LTBP1: variants seen among roughly 807,000 people sequenced by gnomAD.
The protein encoded by LTBP1 is latent-transforming growth factor beta-binding protein 1.
In LTBP1, 129 loss-of-function variants were observed where a neutral mutation model predicts 207.6. That is an observed-to-expected ratio of 0.62 (90% CI 0.54 to 0.72). The LOEUF is 0.72. LTBP1 is among the 30% of genes least tolerant of loss of function. The pLI is 0.00. For missense variants in LTBP1, 2,281 were observed against 2,217.2 expected (o/e 1.03, Z -0.58); for synonymous variants, 963 against 833.7 (o/e 1.16, Z -2.67).
At chr2:33,101,169 TAAG>T (rs376086897) in intron 3 of LTBP1, among the ~76,000 whole-genome samples, 4 of 152,200 alleles carry the variant, frequency 2.6e-5, no homozygotes, top group African/African-American at 7.2e-5. Context: ...CATTAGGTAT[TAAG>T]GAGTGTGAAC....
intron 31 of LTBP1, among the ~76,000 whole-genome samples, chr2:33,380,548 G>T (rs916534363): frequency 1.3e-5 from 2 of 152,032 alleles, no homozygotes; most frequent in Non-Finnish European, 2.9e-5. Flanking sequence ...TAGCTTGGGG[G>T]ACAAGAGTGA....
At position 33,398,467 on chromosome 2, in the gene LTBP1, C is replaced by G. The variant is rs779004658; in HGVS notation, c.5088C>G (p.Tyr1696Ter). The change falls in exon 34 of 34, where the codon TAC becomes TAG. Residue 1696 changes from tyrosine (Y) to a stop codon, truncating the protein, a stop_gained. Transcript: ENST00000404816. LOFTEE classifies it high-confidence loss of function. ...GSYKCLCLPG[Y>*]VPSDKPNYCT... ...ACAAGTGTTTGTGTCTGCCAGGCTA[C>G]GTGCCTTCTGACAAGCCAAACTACT... is the stretch of plus-strand genomic sequence containing the variant. 1 of 1,614,188 alleles carries G rather than the reference C, an allele frequency of 6.2e-7. No individual in the cohort carries two copies.
At chr2:33,238,061 A>C (rs188683662) in intron 9 of LTBP1, among the ~76,000 whole-genome samples, 8 of 114,818 alleles carry the variant, frequency 7.0e-5, no homozygotes, top group Non-Finnish European at 1.4e-4. Context: ...TATATTGTCT[A>C]AGTGATCCTT....
At chr2:33,284,022 A>G (rs2093615915) in intron 19 of LTBP1, among the ~76,000 whole-genome samples, 2 of 152,182 alleles carry the variant, frequency 1.3e-5, no homozygotes, top group Non-Finnish European at 2.9e-5. Context: ...TTTCTATTGA[A>G]TGACTTCATT....
intron 2 of LTBP1, among the ~76,000 whole-genome samples, chr2:32,956,742 T>C (rs1406347998): frequency 6.6e-6 from 1 of 152,230 alleles, no homozygotes; most frequent in African/African-American, 2.4e-5. Flanking sequence ...CGATTTACTT[T>C]GCCCAAATCC....
intron 5 of LTBP1, among the ~76,000 whole-genome samples, chr2:33,184,016 T>C (rs2086927246): frequency 6.6e-6 from 1 of 152,138 alleles, no homozygotes; most frequent in Non-Finnish European, 1.5e-5. Flanking sequence ...CCTGCTCTTT[T>C]CCTCCTGTGT....
rs2077963253 is a variant in LTBP1 at position 33,074,356 on chromosome 2, T to C, written c.864-36226T>C. Among the ~76,000 whole-genome samples the C allele has an allele frequency of 3.9e-5, 6 of 152,296 alleles. No individual in the cohort carries two copies. In the South Asian group the frequency reaches 8.3e-4, roughly 21 times the overall value. On this transcript the variant is annotated intron_variant, in intron 3 of 33. Coordinates refer to ENST00000404816, the MANE Select transcript of LTBP1 (RefSeq NM_206943.4). ...TCATGGCCTTTTTCACTTCTTCCTC[T>C]AGCAGTTTCAACTGACTCAGTTACT...
intron 7 of LTBP1, among the ~76,000 whole-genome samples, chr2:33,189,639 G>A (rs62146704): frequency 0.56 from 84,915 of 152,116 alleles, 23,890 homozygotes; most frequent in Middle Eastern, 0.61. Context: ...GCCTTTTGCA[G>A]TAGTTTTGTT....
Position 33,367,106 on chromosome 2 carries a change from A to G in LTBP1, c.4711+1603A>G, listed in dbSNP as rs186964439. 2.6e-5 allele frequency among the ~76,000 whole-genome samples: 4 copies of G among 151,856 alleles called. No individual in the cohort carries two copies. The East Asian group carries it at 7.7e-4, about 29-fold the overall frequency. On this transcript the variant is annotated intron_variant, in intron 31 of 33. Coordinates refer to ENST00000404816, the MANE Select transcript of LTBP1 (RefSeq NM_206943.4). ...TTAATTATCATTATATATTGATATT[A>G]GTTATTGCTGTATATTAATATATTT...
rs181511774 is a variant in LTBP1, at chr2:33,246,418, G to T, written c.1999+2634G>T. ...TAAAGGAAATAAATGAAAAGATAATGGTATTTTTGGTAGTCACAGGGAAAT... is the reference window on the plus strand; with the variant it reads ...TAAAGGAAATAAATGAAAAGATAATTGTATTTTTGGTAGTCACAGGGAAAT... On this transcript the variant is annotated intron_variant, in intron 10 of 33. Transcript: ENST00000404816. Among the ~76,000 whole-genome samples the T allele has an allele frequency of 1.8e-4, 28 of 152,126 alleles. No homozygotes were observed. In the East Asian group the frequency reaches 4.4e-3, roughly 24 times the overall value.
intron 30 of LTBP1, 116 bp from the exon 31 acceptor site, chr2:33,365,217 T>C: frequency 1.2e-6 from 1 of 850,878 alleles, no homozygotes; most frequent in Non-Finnish European, 1.9e-6. Context: ...AGACTTTTAC[T>C]TGGAAGTCAC....
At chr2:33,332,372 CAAAAAAAAA>C (rs745342264) in intron 24 of LTBP1, among the ~76,000 whole-genome samples, 1 of 52,478 alleles carries the variant, frequency 1.9e-5, no homozygotes, top group East Asian at 7.8e-4. Flanking sequence ...ACACCATCTC[CAAAAAAAAA>C]AAAAAAAAAA....
intron 3 of LTBP1, among the ~76,000 whole-genome samples, chr2:33,039,870 G>T (rs1573244947): frequency 2.0e-5 from 3 of 152,144 alleles, no homozygotes. Flanking sequence ...GCTGATAATG[G>T]TTGCTTACGG....
At chr2:33,096,580 A>G (rs1167252172) in intron 3 of LTBP1, among the ~76,000 whole-genome samples, 4 of 152,306 alleles carry the variant, frequency 2.6e-5, no homozygotes, top group Admixed American at 2.6e-4. Context: ...GGCAATTTTA[A>G]TGGTGCTTTG....
chr2:33,397,331 C>G, intron 33 of LTBP1, 49 bp downstream of exon 33: 1 of 1,594,908 alleles, frequency 6.3e-7, no homozygotes, highest in Non-Finnish European at 8.6e-7. Context: ...CCTGACACCC[C>G]GTATCTCAGT....
At chr2:33,350,215 C>T (rs2149810094) in intron 26 of LTBP1, among the ~76,000 whole-genome samples, 1 of 152,272 alleles carries the variant, frequency 6.6e-6, no homozygotes, top group East Asian at 1.9e-4. Context: ...GATAAATTTC[C>T]AGTATAGGCT....
At chr2:33,104,684 C>A (rs2079953066) in intron 3 of LTBP1, among the ~76,000 whole-genome samples, 1 of 152,108 alleles carries the variant, frequency 6.6e-6, no homozygotes, top group South Asian at 2.1e-4. Flanking sequence ...CTGTGTGGCT[C>A]CCTGTTGTTT....
intron 3 of LTBP1, among the ~76,000 whole-genome samples, chr2:33,084,384 G>C (rs909574366): frequency 6.6e-6 from 1 of 152,160 alleles, no homozygotes; most frequent in African/African-American, 2.4e-5. Context: ...GGGTTCTGGG[G>C]GTTGGGAAGG....
At position 33,113,719 on chromosome 2, in the gene LTBP1, GCTT is replaced by G. The variant is rs1196540244; in HGVS notation, c.1033+2972_1033+2974del. On this transcript the variant is annotated intron_variant, in intron 4 of 33. Coordinates refer to ENST00000404816, the MANE Select transcript of LTBP1 (RefSeq NM_206943.4). ...TAAAGGATATCTCTTTTTTTTCCCAGCTTCTTTTCAAAGTTCATCCGTGTTGTA... is the reference window on the plus strand; with the variant it reads ...TAAAGGATATCTCTTTTTTTTCCCAGCTTTTCAAAGTTCATCCGTGTTGTA... Among the ~76,000 whole-genome samples the G allele has an allele frequency of 2.6e-5, 4 of 151,914 alleles. No individual in the cohort carries two copies. In the East Asian group the frequency reaches 7.7e-4, roughly 29 times the overall value.
Sources: allele counts gnomAD v4.1 joint callset (sites outside exome capture counted in the v4.1 genomes callset), GRCh38; gene constraint gnomAD v4.1.1; transcripts MANE v1.5; gene names NCBI Gene and HGNC (gene_info 2026-07-23, HGNC 2026-07-21).